FCRL5: variants seen among roughly 807,000 people sequenced by gnomAD.
FCRL5 encodes the protein Fc receptor like 5, also known as Fc receptor-like protein 5.
A neutral mutation model predicts 92.1 loss-of-function variants in FCRL5; 79 were observed. The ratio of observed to expected loss-of-function variants is 0.86; its 90% confidence interval spans 0.72 to 1.03. FCRL5 has a LOEUF of 1.03. Among genes scored for constraint, FCRL5 ranks in the 50% least tolerant of loss-of-function variants. The pLI, the probability that FCRL5 is intolerant of heterozygous loss-of-function variation, is 0.00. For synonymous variants in FCRL5, 466 were observed against 469.3 expected (o/e 0.99, Z 0.09); for missense variants, 1,160 against 1,181.1 (o/e 0.98, Z 0.26).
At chr1:157,539,006 G>C in intron 7 of FCRL5, 80 bp downstream of exon 7, 1 of 1,439,872 alleles carries the variant, frequency 6.9e-7, no homozygotes, top group South Asian at 1.3e-5. Context: ...ATACTAGAAG[G>C]TACACGCTGA....
In FCRL5 at chr1:157,547,212, G is replaced by A. The variant is rs868306245; in HGVS notation, c.53-15C>T. On this transcript the variant is annotated splice_polypyrimidine_tract_variant and intron_variant, in intron 2 of 16. Transcript: ENST00000361835. ...GGGTGTCCTTGCTGAAGAGGAAAGA[G>A]AAAAGGAGTCTGAGGTGGAGGCGCC... 7 of 1,612,726 alleles carry A rather than the reference G, an allele frequency of 4.3e-6. No homozygotes were observed. In the African/African-American group the frequency reaches 8.0e-5, roughly 18 times the overall value.
At chr1:157,546,245 C>T (rs1003417483) in intron 3 of FCRL5, 24 of 453,762 alleles carry the variant, frequency 5.3e-5, no homozygotes, top group African/African-American at 4.6e-4. Context: ...CCCAGGAGTT[C>T]AACATTAGCC....
intron 5 of FCRL5, 119 bp downstream of exon 5, chr1:157,544,143 C>A: frequency 9.9e-7 from 1 of 1,006,640 alleles, no homozygotes; most frequent in Non-Finnish European, 1.5e-6. Context: ...GCTTGCACAA[C>A]TCCCATTCTC....
At chr1:157,549,463 T>C in intron 2 of FCRL5, 97 bp downstream of exon 2, 2 of 1,101,180 alleles carry the variant, frequency 1.8e-6, no homozygotes, top group Non-Finnish European at 2.7e-6. Context: ...ACAGGAGATA[T>C]TGGAGATCTC....
At chr1:157,515,921 C>T (rs1391581584) in intron 15 of FCRL5, 48 bp from the exon 16 acceptor site, 1 of 1,607,262 alleles carries the variant, frequency 6.2e-7, no homozygotes, top group South Asian at 1.1e-5. Flanking sequence ...GCATGGGGCT[C>T]TTCCCTTGTG....
In FCRL5 at chr1:157,515,685, G is replaced by A. The variant is rs2101587061; in HGVS notation, c.2924C>T (p.Pro975Leu). ...GAGAGACGTGTGGACTCATCTGTGAGGAGCTGAGGAAGCCAAGAACAGGGA... is the reference window on the plus strand; with the variant it reads ...GAGAGACGTGTGGACTCATCTGTGAAGAGCTGAGGAAGCCAAGAACAGGGA... Reference protein sequence around the residue: ...SGSLFLASSAPHR With the variant: ...SGSLFLASSALHR The change falls in exon 17 of 17, where the codon CCT becomes CTT. Residue 975 changes from proline (P) to leucine (L), a missense_variant. Pro to Leu is a moderately conservative substitution (Grantham distance 98). Coordinates refer to ENST00000361835, the MANE Select transcript of FCRL5 (RefSeq NM_031281.3). 1 of 1,614,212 alleles carries A rather than the reference G, an allele frequency of 6.2e-7. No homozygotes were observed. Among genetic ancestry groups the A allele is most frequent in the Non-Finnish European group, 8.5e-7 (1 of 1,180,030 alleles).
intron 15 of FCRL5, 119 bp from the exon 16 acceptor site, chr1:157,515,992 T>A: frequency 9.2e-7 from 1 of 1,082,894 alleles, no homozygotes; most frequent in Non-Finnish European, 1.4e-6. Context: ...GTGCGGTGAG[T>A]AGCCATTCCT....
chr1:157,521,937 T>C (rs1311678316), intron 10 of FCRL5: 1 of 152,232 alleles, frequency 6.6e-6, no homozygotes, highest in South Asian at 2.1e-4. Context: ...AGAATTTCTA[T>C]TGTAGCATTT....
intron 10 of FCRL5, chr1:157,522,466 G>A (rs997548937): frequency 1.3e-5 from 2 of 152,188 alleles, no homozygotes; most frequent in African/African-American, 4.8e-5. Flanking sequence ...CTAAACCTCA[G>A]TCTCTTTTCC....
At position 157,539,228 on chromosome 1, in the gene FCRL5, G is replaced by A. The variant is rs763231337; in HGVS notation, c.1260C>T (p.Ala420=). ...CAGAGTTGGCCGACCTACGCTCCAG[G>A]GCAGCACCCTCATGATGAAACTGGT... ...ILYQFHHEGA[A]LERRSANSAG... The change falls in exon 7 of 17, where the codon GCC becomes GCT. Residue 420 remains alanine (A), a synonymous_variant. Coordinates refer to ENST00000361835, the MANE Select transcript of FCRL5 (RefSeq NM_031281.3). 6.2e-7 allele frequency: 1 copy of A among 1,614,148 alleles called. No homozygotes were observed. The highest frequency in any genetic ancestry group is 1.1e-5 in the South Asian group (1 of 91,088).
chr1:157,541,571 T>A (rs752288388), intron 6 of FCRL5, among the ~76,000 whole-genome samples: 10 of 152,244 alleles, frequency 6.6e-5, no homozygotes, highest in Non-Finnish European at 1.5e-4. Context: ...CCTCTTCTCC[T>A]GAAATGTTCC....
chr1:157,529,371 C>T (rs1440722713), intron 8 of FCRL5, among the ~76,000 whole-genome samples: 2 of 152,140 alleles, frequency 1.3e-5, no homozygotes, highest in South Asian at 2.1e-4. Context: ...ATTACAACCA[C>T]TATGAAAACA....
rs1043391925 is a variant in FCRL5 at position 157,552,484 on chromosome 1, C to G, written c.-122G>C. The G allele has an allele frequency of 1.0e-6, 1 of 1,004,790 alleles. No homozygotes were observed. The allele number at this position is 1,004,790 out of a possible 1,614,324, so 62.2% of individuals were successfully genotyped here. On this transcript the variant is annotated 5_prime_UTR_variant, in exon 1 of 17. Transcript: ENST00000361835. ...AGCTCCAAGGAGCACATCTGAGAAG[C>G]TGTGCTCTCAAAAAGAGCAGAATGC...
At position 157,521,100 on chromosome 1, in the gene FCRL5, G is replaced by T. The variant is rs746177534; in HGVS notation, c.2432C>A (p.Ala811Glu). ...GGASLNLSLT[A>E]EHSGNYSCEA... is the part of the protein sequence containing the mutation. Reference sequence around the variant, plus strand: ...ACAGGAGTAGTTTCCAGAGTGCTCTGCAGTCAGAGAGAGGTTTAAGGACGC... The same window carrying T: ...ACAGGAGTAGTTTCCAGAGTGCTCTTCAGTCAGAGAGAGGTTTAAGGACGC... The change falls in exon 11 of 17, where the codon GCA becomes GAA. Residue 811 changes from alanine to glutamate, a missense_variant. Coordinates refer to ENST00000361835, the MANE Select transcript of FCRL5 (RefSeq NM_031281.3). The T allele has an allele frequency of 1.9e-6, 3 of 1,614,202 alleles. No individual in the cohort carries two copies. Among genetic ancestry groups the T allele is most frequent in the Non-Finnish European group, 2.5e-6 (3 of 1,180,032 alleles).
At chr1:157,520,387 G>A in intron 12 of FCRL5, 44 bp downstream of exon 12, 1 of 1,380,806 alleles carries the variant, frequency 7.2e-7, no homozygotes, top group South Asian at 1.2e-5. Flanking sequence ...AGCGTTGCTG[G>A]GAAGGGCATG....
chr1:157,552,206 TAC>T (rs1233070157), intron 1 of FCRL5, 124 bp downstream of exon 1: 7 of 913,860 alleles, frequency 7.7e-6, no homozygotes, highest in Non-Finnish European at 1.2e-5. Flanking sequence ...AGTTCAAAAA[TAC>T]AGTCTCCTAA....
At chr1:157,539,402 C>A (rs1651142004) in intron 6 of FCRL5, 38 bp from the exon 7 acceptor site, 1 of 1,547,890 alleles carries the variant, frequency 6.5e-7, no homozygotes, top group Non-Finnish European at 8.7e-7. Context: ...TTTGTTTCTG[C>A]CTCCTGCTGT....
chr1:157,516,348 T>C (rs1286166574), intron 15 of FCRL5, among the ~76,000 whole-genome samples: 1 of 152,194 alleles, frequency 6.6e-6, no homozygotes, highest in Non-Finnish European at 1.5e-5. Context: ...AATAAAAATA[T>C]CCTCTGCCTG....
intron 10 of FCRL5, 132 bp from the exon 11 acceptor site, chr1:157,521,424 T>A: frequency 8.8e-7 from 1 of 1,130,922 alleles, no homozygotes; most frequent in Non-Finnish European, 1.2e-6. Context: ...ATGATAAAGC[T>A]AATTACTTTG....
Sources: allele counts gnomAD v4.1 joint callset (sites outside exome capture counted in the v4.1 genomes callset), GRCh38; gene constraint gnomAD v4.1.1; transcripts MANE v1.5; gene names NCBI Gene and HGNC (gene_info 2026-07-23, HGNC 2026-07-21).